The following FOXP1 variants were observed in gnomAD, a reference collection of about 807,000 sequenced individuals.
The protein encoded by FOXP1 is forkhead box protein P1.
FOXP1 carries 15 observed loss-of-function variants against 98.2 expected under a neutral mutation model. The observed-to-expected ratio is 0.15, with a 90% CI of 0.10 to 0.24. The LOEUF (loss-of-function observed/expected upper bound fraction) is 0.24, where lower values mean the gene tolerates loss of function less well. Among genes scored for constraint, FOXP1 ranks in the 10% least tolerant of loss-of-function variants. FOXP1 has a pLI of 1.00. For synonymous variants in FOXP1, 371 were observed against 314.5 expected, an observed-to-expected ratio of 1.18 and a Z score of -1.90; for missense variants, 633 against 848.5, an observed-to-expected ratio of 0.75 and a Z score of 3.15.
At chr3:71,534,785 AC>A (rs1229311557) in intron 2 of FOXP1, among the ~76,000 whole-genome samples, 1 of 152,172 alleles carries the variant, frequency 6.6e-6, no homozygotes, top group Non-Finnish European at 1.5e-5. Context: ...CCATATTCCA[AC>A]TGTCACTTTT....
chr3:70,976,049 CTTTTTTT>C (rs10610516), intron 17 of FOXP1, among the ~76,000 whole-genome samples: 2 of 115,732 alleles, frequency 1.7e-5, no homozygotes, highest in Non-Finnish European at 3.8e-5. Context: ...GGACAATCTC[CTTTTTTT>C]TTTTTTTTTT....
intron 7 of FOXP1, among the ~76,000 whole-genome samples, chr3:71,111,903 A>G (rs1343430433): frequency 6.6e-6 from 1 of 152,134 alleles, no homozygotes; most frequent in African/African-American, 2.4e-5. Context: ...ACAAGCCATA[A>G]TGTTAAAAGT....
intron 17 of FOXP1, among the ~76,000 whole-genome samples, chr3:70,973,848 C>T (rs1361333090): frequency 1.9e-5 from 2 of 103,782 alleles, no homozygotes; most frequent in Admixed American, 9.7e-5. Flanking sequence ...CCCCCCCCCC[C>T]ACCCCCCAAC....
chr3:71,124,142 T>TAAAAAA (rs397708537), intron 6 of FOXP1, among the ~76,000 whole-genome samples: 65 of 150,116 alleles, frequency 4.3e-4, no homozygotes, highest in East Asian at 1.2e-3. Context: ...TATATTTTTT[T>TAAAAAA]AAAAAAAAAA....
intron 7 of FOXP1, among the ~76,000 whole-genome samples, chr3:71,098,376 C>T (rs2107648616): frequency 6.6e-6 from 1 of 152,220 alleles, no homozygotes; most frequent in East Asian, 1.9e-4. Context: ...AGCAAATGTA[C>T]AAAGGCAGGC....
intron 5 of FOXP1, among the ~76,000 whole-genome samples, chr3:71,297,806 G>GGGTTTCACCC (rs1553826784): frequency 6.6e-6 from 1 of 150,992 alleles, no homozygotes; most frequent in Non-Finnish European, 1.5e-5. Flanking sequence ...AGTAGAGACG[G>GGGTTTCACCC]GGTTTCACCA....
Position 71,003,128 on chromosome 3 carries a change from C to A in FOXP1, c.975-2069G>T, listed in dbSNP as rs140578455. 2.4e-4 allele frequency among the ~76,000 whole-genome samples: 36 copies of A among 152,336 alleles called. No homozygotes were observed. The East Asian group carries it at 6.9e-3, about 29-fold the overall frequency. ...TGGGCATCACTGCCCTCAAGAAATT[C>A]CTCCAGGCTGCACCATCGCTCTTCA... On this transcript the variant is annotated intron_variant, in intron 12 of 20. Transcript: ENST00000649528.
At chr3:71,510,775 T>C (rs536090269) in intron 2 of FOXP1, among the ~76,000 whole-genome samples, 2 of 152,346 alleles carry the variant, frequency 1.3e-5, no homozygotes, top group Non-Finnish European at 1.5e-5. Flanking sequence ...AAAGTGTTCA[T>C]TCCTGGCATG....
intron 3 of FOXP1, among the ~76,000 whole-genome samples, chr3:71,367,840 G>A (rs943852287): frequency 7.2e-5 from 11 of 152,124 alleles, no homozygotes; most frequent in African/African-American, 2.7e-4. Context: ...ATGGCTAGTG[G>A]TAATGGACTA....
chr3:71,403,212 T>C (rs569846990), intron 3 of FOXP1, among the ~76,000 whole-genome samples: 3 of 152,240 alleles, frequency 2.0e-5, no homozygotes, highest in African/African-American at 4.8e-5. Flanking sequence ...GTGTGGCGTG[T>C]ACATGTCTCT....
intron 13 of FOXP1, among the ~76,000 whole-genome samples, chr3:70,998,518 C>T (rs541643631): frequency 3.3e-5 from 5 of 152,274 alleles, no homozygotes; most frequent in Non-Finnish European, 7.3e-5. Flanking sequence ...AAATGGAACA[C>T]GTCAGAATTA....
intron 6 of FOXP1, among the ~76,000 whole-genome samples, chr3:71,126,401 A>C (rs983994213): frequency 6.6e-6 from 1 of 152,130 alleles, no homozygotes; most frequent in Non-Finnish European, 1.5e-5. Flanking sequence ...GGGCCAGAGA[A>C]TGGCGTGAAC....
chr3:71,275,445 C>A (rs2070787171), intron 5 of FOXP1, among the ~76,000 whole-genome samples: 1 of 152,190 alleles, frequency 6.6e-6, no homozygotes, highest in African/African-American at 2.4e-5. Context: ...CATTTGTGAT[C>A]TAACAGAGTC....
intron 7 of FOXP1, among the ~76,000 whole-genome samples, chr3:71,085,954 T>C (rs1414941429): frequency 1.3e-5 from 2 of 151,632 alleles, no homozygotes; most frequent in Non-Finnish European, 2.9e-5. Context: ...GGCCTTGATC[T>C]CTTGACCTCG....
chr3:71,197,841 T>A, intron 6 of FOXP1: 1 of 1,595,186 alleles, frequency 6.3e-7, no homozygotes, highest in Non-Finnish European at 8.6e-7. Flanking sequence ...AAGCCTGTTT[T>A]TCGTTTAATT....
intron 5 of FOXP1, among the ~76,000 whole-genome samples, chr3:71,246,007 C>CGA (rs1560179654): frequency 1.1e-4 from 16 of 151,058 alleles, no homozygotes; most frequent in Admixed American, 2.0e-4. Context: ...CACCCCCCCC[C>CGA]CACCACAAAG....
chr3:71,452,064 C>T (rs1380420259), intron 3 of FOXP1, among the ~76,000 whole-genome samples: 4 of 152,108 alleles, frequency 2.6e-5, no homozygotes, highest in Admixed American at 1.3e-4. Context: ...CAAAAGTCAG[C>T]GCCAGGAGGG....
chr3:71,178,138 C>A (rs1364331575), intron 6 of FOXP1, among the ~76,000 whole-genome samples: 1 of 111,912 alleles, frequency 8.9e-6, no homozygotes, highest in Non-Finnish European at 2.0e-5. Context: ...CCCAGTCAGT[C>A]TTTTTTTTTT....
Position 71,379,706 on chromosome 3 carries a change from C to T in FOXP1, c.-167-20462G>A, listed in dbSNP as rs571194726. Among the ~76,000 whole-genome samples the T allele has an allele frequency of 4.6e-5, 7 of 152,274 alleles. No homozygotes were observed. In the East Asian group the frequency reaches 9.6e-4, roughly 21 times the overall value. On this transcript the variant is annotated intron_variant, in intron 3 of 20. Transcript: ENST00000649528. ...CCATAAATGGAGTTTTGTTGGGACA[C>T]CACCATTCCCATTCATCTATGTATT...
Sources: gnomAD v4.1 joint callset for allele counts (sites outside exome capture counted in the v4.1 genomes callset) on GRCh38, gnomAD v4.1.1 for gene constraint, MANE v1.5 for transcripts, NCBI Gene and HGNC (gene_info 2026-07-23, HGNC 2026-07-21) for gene names.